Variants in RBFOX1 observed in about 807,000 individuals in gnomAD.
RBFOX1 encodes RNA binding protein fox-1 homolog 1.
In RBFOX1, 8 loss-of-function variants were observed where a neutral mutation model predicts 57.7. That is an observed-to-expected ratio of 0.14 (90% confidence interval 0.08 to 0.25). RBFOX1 has a LOEUF of 0.25. Ranked by LOEUF, RBFOX1 falls within the 10% of genes least tolerant of loss-of-function variation. The pLI is 1.00. For missense variants in RBFOX1, 611 were observed against 548.5 expected (o/e 1.11, Z -1.14); for synonymous variants, 326 against 222.4 (o/e 1.47, Z -4.15).
intron 3 of RBFOX1, among the ~76,000 whole-genome samples, chr16:6,948,663 T>C (rs974356495): frequency 1.3e-5 from 2 of 152,090 alleles, no homozygotes; most frequent in Non-Finnish European, 2.9e-5. Context: ...ATTACAAGCG[T>C]GAGCCACCAC....
chr16:7,372,246 G>C (rs972869513), intron 4 of RBFOX1, among the ~76,000 whole-genome samples: 1 of 152,124 alleles, frequency 6.6e-6, no homozygotes, highest in Non-Finnish European at 1.5e-5. Flanking sequence ...TGGAGTTCAC[G>C]TAAGGATGAG....
At chr16:6,949,526 G>A (rs2080255332) in intron 3 of RBFOX1, among the ~76,000 whole-genome samples, 1 of 152,118 alleles carries the variant, frequency 6.6e-6, no homozygotes, top group Non-Finnish European at 1.5e-5. Flanking sequence ...TTCTTCTTGG[G>A]CCTCTCTCCC....
chr16:6,587,942 G>C (rs1968168), intron 2 of RBFOX1, among the ~76,000 whole-genome samples: 2 of 152,330 alleles, frequency 1.3e-5, no homozygotes, highest in Middle Eastern at 6.8e-3. Context: ...AAAACAAGGC[G>C]GTTTTTGCCT....
intron 2 of RBFOX1, among the ~76,000 whole-genome samples, chr16:6,479,826 G>T (rs1222496046): frequency 8.6e-5 from 13 of 152,046 alleles, no homozygotes; most frequent in African/African-American, 3.1e-4. Flanking sequence ...GAGGCAGGCA[G>T]ATCATTTGAG....
At chr16:5,700,091 C>T (rs1034818846) in intron 3 of RBFOX1, among the ~76,000 whole-genome samples, 3 of 152,208 alleles carry the variant, frequency 2.0e-5, no homozygotes, top group African/African-American at 4.8e-5. Context: ...CTTGGCCTCC[C>T]AAAGTGCTGG....
At chr16:6,261,535 C>T (rs749277994) in intron 1 of RBFOX1, among the ~76,000 whole-genome samples, 45 of 152,182 alleles carry the variant, frequency 3.0e-4, no homozygotes, top group Non-Finnish European at 6.2e-4. Flanking sequence ...GAGCCATTTG[C>T]TGGGTCATCC....
chr16:6,360,736 G>A (rs534736114), intron 2 of RBFOX1, among the ~76,000 whole-genome samples: 5 of 152,292 alleles, frequency 3.3e-5, no homozygotes, highest in East Asian at 1.9e-4. Context: ...ATGCTCGAAT[G>A]TTAAGAAGCT....
intron 4 of RBFOX1, among the ~76,000 whole-genome samples, chr16:7,084,650 G>C (rs113766578): frequency 0.028 from 4,216 of 152,264 alleles, 88 homozygotes; most frequent in Non-Finnish European, 0.04. Context: ...GAGCTTCAAA[G>C]ACCAGAGGCT....
chr16:6,869,198 C>T (rs117625288), intron 3 of RBFOX1, among the ~76,000 whole-genome samples: 1,848 of 152,290 alleles, frequency 0.012, 22 homozygotes, highest in Non-Finnish European at 0.02. Context: ...CTCTTCCTTC[C>T]CCCACTTGCC....
intron 3 of RBFOX1, among the ~76,000 whole-genome samples, chr16:6,946,131 C>A (rs1432922342): frequency 6.6e-6 from 1 of 152,202 alleles, no homozygotes; most frequent in Non-Finnish European, 1.5e-5. Context: ...GTTTTCCTTG[C>A]TTCTCAAGTG....
chr16:7,086,972 A>C (rs1378924434), intron 4 of RBFOX1, among the ~76,000 whole-genome samples: 3 of 152,044 alleles, frequency 2.0e-5, no homozygotes, highest in African/African-American at 7.2e-5. Flanking sequence ...AGCCCTGCAC[A>C]GAGATGGGCA....
At chr16:6,610,899 C>G (rs901696304) in intron 2 of RBFOX1, among the ~76,000 whole-genome samples, 1 of 152,178 alleles carries the variant, frequency 6.6e-6, no homozygotes, top group Non-Finnish European at 1.5e-5. Flanking sequence ...GCCTGTTCCA[C>G]TGATAACATA....
intron 3 of RBFOX1, among the ~76,000 whole-genome samples, chr16:5,843,876 C>A (rs933994430): frequency 6.6e-6 from 1 of 152,204 alleles, no homozygotes. Flanking sequence ...AAGTATGCAG[C>A]AAGCTCCAAC....
intron 1 of RBFOX1, among the ~76,000 whole-genome samples, chr16:6,300,609 C>T (rs1382927673): frequency 2.0e-5 from 3 of 152,176 alleles, no homozygotes; most frequent in Admixed American, 6.5e-5. Context: ...CATCTAGTTT[C>T]ATCTTTCCAA....
intron 1 of RBFOX1, among the ~76,000 whole-genome samples, chr16:5,446,886 C>T (rs778673894): frequency 6.6e-6 from 1 of 152,042 alleles, no homozygotes; most frequent in Non-Finnish European, 1.5e-5. Context: ...TCCCAGCTTC[C>T]CTAGGAAGTG....
chr16:6,736,736 C>T (rs902487316), intron 3 of RBFOX1, among the ~76,000 whole-genome samples: 11 of 152,160 alleles, frequency 7.2e-5, no homozygotes, highest in African/African-American at 2.7e-4. Context: ...AATCTCCACA[C>T]TGGGAAAACC....
At chr16:7,385,486 G>A (rs74012519) in intron 4 of RBFOX1, among the ~76,000 whole-genome samples, 13,317 of 152,266 alleles carry the variant, frequency 0.087, 637 homozygotes, top group East Asian at 0.19. Flanking sequence ...GCCATGGAAA[G>A]TAATGGAGGT....
intron 3 of RBFOX1, among the ~76,000 whole-genome samples, chr16:6,946,387 G>C (rs1257835057): frequency 6.6e-6 from 1 of 152,194 alleles, no homozygotes; most frequent in Non-Finnish European, 1.5e-5. Flanking sequence ...GCTTATCTGT[G>C]CCATAAAGCA....
intron 1 of RBFOX1, among the ~76,000 whole-genome samples, chr16:6,021,150 T>C (rs966631347): frequency 1.3e-5 from 2 of 152,238 alleles, no homozygotes; most frequent in East Asian, 1.9e-4. Flanking sequence ...AATAGCTTTG[T>C]TGAGTTGAAA....
Sources: gnomAD v4.1 joint callset for allele counts (sites outside exome capture counted in the v4.1 genomes callset) on GRCh38, gnomAD v4.1.1 for gene constraint, MANE v1.5 for transcripts, NCBI Gene and HGNC (gene_info 2026-07-23, HGNC 2026-07-21) for gene names.